The following DNAAF11 variants were observed in gnomAD, a reference collection of about 807,000 sequenced individuals.
The protein encoded by DNAAF11 is leucine rich repeat containing 6.
Under a neutral mutation model 60.8 loss-of-function variants are expected in DNAAF11, and 45 were observed. The observed-to-expected ratio is 0.74, with a 90% CI of 0.58 to 0.95. The LOEUF is 0.95. Among genes scored for constraint, DNAAF11 ranks in the 40% least tolerant of loss-of-function variants. The pLI, the probability that DNAAF11 is intolerant of heterozygous loss-of-function variation, is 0.00. For synonymous variants in DNAAF11, 191 were observed against 183.5 expected, an observed-to-expected ratio of 1.04 and a Z score of -0.33; for missense variants, 546 against 546.2, an observed-to-expected ratio of 1.00 and a Z score of 0.00.
At chr8:132,675,351 G>T in intron 1 of DNAAF11, 133 bp downstream of exon 1, 1 of 932,430 alleles carries the variant, frequency 1.1e-6, no homozygotes, top group Non-Finnish European at 1.6e-6. Context: ...CGGAGGGCCG[G>T]GTGGGGTTAG....
Position 132,572,617 on chromosome 8 carries a change from T to C in DNAAF11, c.1227-137A>G, listed in dbSNP as rs551532245. On this transcript the variant is annotated intron_variant, in intron 11 of 11. Transcript: ENST00000620350. The stretch of plus-strand genomic sequence containing the variant: ...GGAGCACAGAAATAAAAGGAGAGAA[T>C]GTCCCTAGCATCAAGAAGCTTAGAG... 8 of 556,398 alleles carry C rather than the reference T, an allele frequency of 1.4e-5. No individual in the cohort carries two copies. The South Asian group carries it at 1.8e-4, about 12-fold the overall frequency. The allele number at this position is 556,398 out of a possible 1,614,324, so 34.5% of individuals were successfully genotyped here.
chr8:132,592,897 A>G (rs546077178), intron 10 of DNAAF11, among the ~76,000 whole-genome samples: 1 of 152,148 alleles, frequency 6.6e-6, no homozygotes, highest in South Asian at 2.1e-4. Flanking sequence ...GAGGTATAGT[A>G]AGTTTGGAAG....
At chr8:132,672,052 A>T (rs1825240382) in intron 1 of DNAAF11, among the ~76,000 whole-genome samples, 1 of 152,206 alleles carries the variant, frequency 6.6e-6, no homozygotes, top group South Asian at 2.1e-4. Flanking sequence ...TAAGAGAAGG[A>T]AAATATAAGC....
chr8:132,701,091 T>C, the DNAAF11 span, among the ~76,000 whole-genome samples: 1 of 152,164 alleles, frequency 6.6e-6, no homozygotes, highest in South Asian at 2.1e-4. Flanking sequence ...GGCACCAACC[T>C]TGTCTATGAA....
At chr8:132,599,239 C>T (rs921675516) in intron 10 of DNAAF11, among the ~76,000 whole-genome samples, 3 of 152,098 alleles carry the variant, frequency 2.0e-5, no homozygotes, top group Non-Finnish European at 4.4e-5. Context: ...AGTTGAATCC[C>T]TGAATGGACC....
upstream of DNAAF11, among the ~76,000 whole-genome samples, chr8:132,676,259 G>T (rs1292541908): frequency 6.6e-6 from 1 of 151,998 alleles, no homozygotes; most frequent in Non-Finnish European, 1.5e-5. Flanking sequence ...CGTTTCCCCA[G>T]ACCCTTCTCC....
At chr8:132,689,534 G>C in the DNAAF11 span, among the ~76,000 whole-genome samples, 7 of 151,824 alleles carry the variant, frequency 4.6e-5, no homozygotes, top group African/African-American at 1.7e-4. Context: ...ATTGTTTCTT[G>C]TGTATCTTCC....
intron 1 of DNAAF11, among the ~76,000 whole-genome samples, chr8:132,669,562 G>A (rs1047695942): frequency 1.3e-5 from 2 of 152,110 alleles, no homozygotes; most frequent in African/African-American, 4.8e-5. Context: ...GGCTGAGAGA[G>A]GAAGTGTGAA....
At chr8:132,592,031 G>C (rs997626501) in intron 10 of DNAAF11, among the ~76,000 whole-genome samples, 2 of 151,802 alleles carry the variant, frequency 1.3e-5, no homozygotes, top group Non-Finnish European at 2.9e-5. Context: ...TTGGTGTCTG[G>C]TGTATTTGAT....
Position 132,609,186 on chromosome 8 carries a change from C to A in DNAAF11, c.1140+980G>T, listed in dbSNP as rs117671314. On this transcript the variant is annotated intron_variant, in intron 10 of 11. Transcript: ENST00000620350. ...CTGGTTCCAGGACATCCCTTGAACACCAAAATCTTCAGATGCTCAAGTCTC... is the reference window on the plus strand; with the variant it reads ...CTGGTTCCAGGACATCCCTTGAACAACAAAATCTTCAGATGCTCAAGTCTC... 9.8e-3 allele frequency among the ~76,000 whole-genome samples: 1,489 copies of A among 151,790 alleles called. 10 individuals are homozygous for A. The highest frequency in any genetic ancestry group is 0.012 in the Non-Finnish European group (816 of 67,978).
intron 11 of DNAAF11, among the ~76,000 whole-genome samples, chr8:132,576,471 T>G (rs1437679305): frequency 3.3e-5 from 5 of 152,208 alleles, no homozygotes; most frequent in Non-Finnish European, 7.3e-5. Flanking sequence ...AGAAGCTATA[T>G]GATATGTGCC....
chr8:132,622,463 C>T, intron 7 of DNAAF11, 148 bp downstream of exon 7: 1 of 593,290 alleles, frequency 1.7e-6, no homozygotes, highest in South Asian at 2.9e-5. Flanking sequence ...TAAATATGCA[C>T]CAAATGACAT....
intron 1 of DNAAF11, among the ~76,000 whole-genome samples, 194 bp from the exon 2 acceptor site, chr8:132,661,821 T>C (rs556157077): frequency 1.1e-4 from 17 of 152,262 alleles, no homozygotes; most frequent in African/African-American, 3.9e-4. Context: ...TGATGTGAGC[T>C]GGAGAGAAGA....
intron 10 of DNAAF11, among the ~76,000 whole-genome samples, chr8:132,591,126 T>C (rs1288410739): frequency 6.6e-5 from 10 of 152,232 alleles, no homozygotes; most frequent in African/African-American, 1.9e-4. Context: ...AGTCATAATG[T>C]ACATTTTAAG....
At chr8:132,592,792 T>C (rs560527096) in intron 10 of DNAAF11, among the ~76,000 whole-genome samples, 1 of 151,950 alleles carries the variant, frequency 6.6e-6, no homozygotes, top group African/African-American at 2.4e-5. Flanking sequence ...ATTTGAGGTA[T>C]GAAGGAGGTA....
At chr8:132,647,653 A>G (rs982864907) in intron 3 of DNAAF11, among the ~76,000 whole-genome samples, 1 of 152,218 alleles carries the variant, frequency 6.6e-6, no homozygotes, top group African/African-American at 2.4e-5. Context: ...AGAATCAAAT[A>G]GATGCAATAA....
upstream of DNAAF11, among the ~76,000 whole-genome samples, chr8:132,677,149 A>ATGTC (rs1230886453): frequency 2.6e-5 from 4 of 152,178 alleles, no homozygotes; most frequent in Non-Finnish European, 5.9e-5. Flanking sequence ...CTGAGCACTG[A>ATGTC]TGTCTGATTA....
chr8:132,580,143 C>G (rs762748201), intron 11 of DNAAF11, among the ~76,000 whole-genome samples: 2 of 151,880 alleles, frequency 1.3e-5, no homozygotes, highest in Non-Finnish European at 2.9e-5. Flanking sequence ...ACTACAATTA[C>G]TATGTTTAAA....
the DNAAF11 span, among the ~76,000 whole-genome samples, chr8:132,693,058 G>T: frequency 1.3e-5 from 2 of 152,222 alleles, no homozygotes; most frequent in Non-Finnish European, 1.5e-5. Flanking sequence ...AGTCCATCAT[G>T]CTGGTGAGTG....
Sources: allele counts gnomAD v4.1 joint callset (sites outside exome capture counted in the v4.1 genomes callset), GRCh38; gene constraint gnomAD v4.1.1; transcripts MANE v1.5; gene names NCBI Gene and HGNC (gene_info 2026-07-23, HGNC 2026-07-21).